The following UBAP1 variants were observed in gnomAD, a reference collection of about 807,000 sequenced individuals.
UBAP1 encodes ubiquitin-associated protein 1.
A neutral mutation model predicts 39.0 loss-of-function variants in UBAP1; 5 were observed. The ratio of observed to expected loss-of-function variants is 0.13; its 90% CI spans 0.07 to 0.27. The LOEUF is 0.27. UBAP1 is among the 10% of genes least tolerant of loss of function. UBAP1 has a pLI of 1.00. For synonymous variants in UBAP1, 211 were observed against 225.1 expected, an observed-to-expected ratio of 0.94 and a Z score of 0.56; for missense variants, 490 against 608.1, an observed-to-expected ratio of 0.81 and a Z score of 2.04.
At chr9:34,218,417 T>A (rs540296845) in intron 1 of UBAP1, among the ~76,000 whole-genome samples, 3 of 152,136 alleles carry the variant, frequency 2.0e-5, no homozygotes, top group African/African-American at 7.2e-5. Flanking sequence ...TCAAGTTCTT[T>A]ACCTCAACAA....
chr9:34,217,435 C>T (rs917627035), intron 1 of UBAP1, among the ~76,000 whole-genome samples: 2 of 152,090 alleles, frequency 1.3e-5, no homozygotes, highest in Admixed American at 6.6e-5. Context: ...TGGGTTTCAC[C>T]ATGTTGGCCA....
chr9:34,232,108 C>T (rs1268578965), intron 2 of UBAP1, among the ~76,000 whole-genome samples: 2 of 152,170 alleles, frequency 1.3e-5, no homozygotes. Flanking sequence ...AGTTCTCCTG[C>T]TTCAGCCTCC....
chr9:34,220,186 G>GC (rs1442321063), intron 1 of UBAP1, among the ~76,000 whole-genome samples: 5 of 93,694 alleles, frequency 5.3e-5, no homozygotes, highest in Non-Finnish European at 1.0e-4. Context: ...AGGGTCTTGT[G>GC]CTGTTGCACA....
chr9:34,214,179 T>C (rs1400287572), intron 1 of UBAP1, among the ~76,000 whole-genome samples: 1 of 152,148 alleles, frequency 6.6e-6, no homozygotes, highest in Non-Finnish European at 1.5e-5. Flanking sequence ...TTTCTAAAAT[T>C]CATATGGAAC....
chr9:34,222,516 G>A (rs1263492609), intron 2 of UBAP1, among the ~76,000 whole-genome samples: 1 of 152,082 alleles, frequency 6.6e-6, no homozygotes, highest in African/African-American at 2.4e-5. Context: ...TCTGGGCAGG[G>A]CACGGTGGCT....
At position 34,241,269 on chromosome 9, in the gene UBAP1, A is replaced by G. The variant is rs140613134; in HGVS notation, c.244A>G (p.Lys82Glu). ...IEEAEREAECKIAEAEAKVNS... is the reference protein window; with the variant it reads ...IEEAEREAECEIAEAEAKVNS... ...AGAAGCCGAGCGGGAAGCAGAGTGC[A>G]AAATTGCGGAAGCAGAAGCTAAAGT... Residue 82 changes from lysine (K) to glutamate (E), a missense_variant, in exon 4 of 7, where the codon AAA becomes GAA. This residue lies in a region of UBAP1 where 144 missense variants were observed against 184.4 expected (regional missense o/e 0.78). Transcript: ENST00000297661. The G allele has an allele frequency of 2.7e-6, 4 of 1,507,886 alleles. No homozygotes were observed. The South Asian group carries it at 4.2e-5, about 16-fold the overall frequency. The allele number at this position is 1,507,886 out of a possible 1,614,324, so 93.4% of individuals were successfully genotyped here.
At chr9:34,226,123 G>GTGTGTGTGTGTGTGTGTT (rs1554650808) in intron 2 of UBAP1, among the ~76,000 whole-genome samples, 332 of 104,630 alleles carry the variant, frequency 3.2e-3, no homozygotes, top group Middle Eastern at 0.011. Flanking sequence ...GTGTGTGTGT[G>GTGTGTGTGTGTGTGTGTT]TGTGTGTGTG....
At position 34,249,798 on chromosome 9, in the gene UBAP1, C is replaced by T. The variant is rs753265240; in HGVS notation, c.1103C>T (p.Ser368Leu). 3 of 1,614,110 alleles carry T rather than the reference C, an allele frequency of 1.9e-6. No individual in the cohort carries two copies. Among genetic ancestry groups the T allele is most frequent in the South Asian group, 2.2e-5 (2 of 91,076 alleles). The change falls in exon 5 of 7, where the codon TCA becomes TTA. Residue 368 changes from serine to leucine, a missense_variant. Physicochemically the swap from Ser to Leu is moderately radical, Grantham distance 145. Coordinates refer to ENST00000297661, the MANE Select transcript of UBAP1 (RefSeq NM_016525.5). ...CACTAGGTCACCCCTCCTAATTTCT[C>T]AGTGTCACAAGTGCCCAACATGCCC... ...TGPTVTPPNF[S>L]VSQVPNMPSC...
Position 34,182,060 on chromosome 9 carries a change from A to G in UBAP1, c.-8+2820A>G, listed in dbSNP as rs140403508. 3.2e-3 allele frequency among the ~76,000 whole-genome samples: 476 copies of G among 149,958 alleles called. 17 individuals carry two copies. Among genetic ancestry groups the G allele is most frequent in the African/African-American group, 0.011 (457 of 40,190 alleles). On this transcript the variant is annotated intron_variant, in intron 1 of 6. Coordinates refer to ENST00000297661, the MANE Select transcript of UBAP1 (RefSeq NM_016525.5). ...GTGATCCTCCCACCACAGCCTCCCAAACTGCTGGGAGGCATGAGCAGCTAG... is the reference window on the plus strand; with the variant it reads ...GTGATCCTCCCACCACAGCCTCCCAGACTGCTGGGAGGCATGAGCAGCTAG...
At chr9:34,196,766 T>G (rs1831084207) in intron 1 of UBAP1, among the ~76,000 whole-genome samples, 1 of 152,090 alleles carries the variant, frequency 6.6e-6, no homozygotes, top group East Asian at 1.9e-4. Context: ...TCAGCTTGAT[T>G]GAGTCTGCTG....
At chr9:34,243,763 T>C (rs1327087039) in intron 4 of UBAP1, among the ~76,000 whole-genome samples, 1 of 151,988 alleles carries the variant, frequency 6.6e-6, no homozygotes, top group Non-Finnish European at 1.5e-5. Context: ...GTGCTGGGAT[T>C]ACAGGTGTGA....
intron 2 of UBAP1, among the ~76,000 whole-genome samples, chr9:34,223,447 TTTTGTTTG>T (rs983667934): frequency 6.6e-6 from 1 of 151,818 alleles, no homozygotes; most frequent in Non-Finnish European, 1.5e-5. Flanking sequence ...CAAAGTGTTA[TTTTGTTTG>T]TTTGTTTGTT....
rs555030953 is a variant in UBAP1 at position 34,247,354 on chromosome 9, C to T, written c.1084-2425C>T. ...TTTAAATCATCCATTTAAAATCAGT[C>T]ATTTAATATCCCGTGCATCTTTAAA... is the stretch of plus-strand genomic sequence containing the variant. On this transcript the variant is annotated intron_variant, in intron 4 of 6. Coordinates refer to ENST00000297661, the MANE Select transcript of UBAP1 (RefSeq NM_016525.5). 3.7e-4 allele frequency among the ~76,000 whole-genome samples: 57 copies of T among 152,284 alleles called. 1 individual carries two copies. The highest frequency in any genetic ancestry group is 1.2e-3 in the African/African-American group (50 of 41,560).
intron 1 of UBAP1, among the ~76,000 whole-genome samples, chr9:34,202,756 C>T (rs1219512990): frequency 1.3e-5 from 2 of 151,692 alleles, no homozygotes; most frequent in African/African-American, 4.8e-5. Context: ...TACATACCCT[C>T]TGCCCAGTTA....
intron 1 of UBAP1, among the ~76,000 whole-genome samples, chr9:34,188,732 G>T (rs1830552766): frequency 6.6e-6 from 1 of 152,000 alleles, no homozygotes; most frequent in African/African-American, 2.4e-5. Context: ...TGAGGCGTGT[G>T]GATCACCTGA....
At chr9:34,226,127 G>GTGTGTGTGTGTGTGTT (rs1554650819) in intron 2 of UBAP1, among the ~76,000 whole-genome samples, 12,716 of 136,836 alleles carry the variant, frequency 0.093, 906 homozygotes, top group Non-Finnish European at 0.14. Context: ...GTGTGTGTGT[G>GTGTGTGTGTGTGTGTT]TGTGTGTGTG....
intron 3 of UBAP1, among the ~76,000 whole-genome samples, chr9:34,239,586 G>A (rs1006047708): frequency 5.3e-5 from 8 of 152,194 alleles, no homozygotes; most frequent in Admixed American, 4.6e-4. Flanking sequence ...TGTGGCTCAC[G>A]TGAGGTAGCC....
chr9:34,221,595 A>ATG (rs1482140620), intron 2 of UBAP1, among the ~76,000 whole-genome samples: 38 of 150,236 alleles, frequency 2.5e-4, no homozygotes, highest in South Asian at 1.3e-3. Context: ...TCTTCTCCAT[A>ATG]TGTGTGTGTG....
rs1284496981 is a variant in UBAP1, at chr9:34,250,053, C to A, written c.1266+92C>A. 4.4e-6 allele frequency: 6 copies of A among 1,360,326 alleles called. No individual in the cohort carries two copies. The East Asian group carries it at 9.5e-5, about 21-fold the overall frequency. The allele number at this position is 1,360,326 out of a possible 1,614,324, so 84.3% of individuals were successfully genotyped here. A position where few individuals can be genotyped will look rare whatever the true frequency, so the allele number is the denominator to read the frequency against. On this transcript the variant is annotated intron_variant, in intron 5 of 6. Coordinates refer to ENST00000297661, the MANE Select transcript of UBAP1 (RefSeq NM_016525.5). Reference sequence around the variant, plus strand: ...CCTAGAGCCCCTCAGACTTGTAGCACCAACCTCCTTTCCTGTGGGTTTGTG... The same window carrying A: ...CCTAGAGCCCCTCAGACTTGTAGCAACAACCTCCTTTCCTGTGGGTTTGTG...
Sources: gnomAD v4.1 joint callset for allele counts (sites outside exome capture counted in the v4.1 genomes callset) on GRCh38, gnomAD v4.1.1 for gene constraint, gnomAD v4.1.1 regional missense constraint, MANE v1.5 for transcripts, NCBI Gene and HGNC (gene_info 2026-07-23, HGNC 2026-07-21) for gene names.